Variants in ZFAND3 observed in about 807,000 individuals in gnomAD.
ZFAND3 encodes zinc finger AN1-type containing 3.
Under a neutral mutation model 29.6 loss-of-function variants are expected in ZFAND3, and 10 were observed. The observed-to-expected ratio is 0.34, with a 90% CI of 0.21 to 0.57. The LOEUF (loss-of-function observed/expected upper bound fraction) is 0.57. Ranked by LOEUF, ZFAND3 falls within the 20% of genes least tolerant of loss-of-function variation. The probability of loss-of-function intolerance (pLI) is 0.86; values close to 1 mark genes in which losing one functional copy is unlikely to be tolerated. For missense variants in ZFAND3, 230 were observed against 304.5 expected (o/e 0.76, Z 1.82); for synonymous variants, 128 against 112.6 (o/e 1.14, Z -0.87).
chr6:38,038,133 A>G (rs1763693926), intron 2 of ZFAND3, among the ~76,000 whole-genome samples: 1 of 152,132 alleles, frequency 6.6e-6, no homozygotes, highest in South Asian at 2.1e-4. Flanking sequence ...TTCAAGGATT[A>G]ATCAGCTGGC....
At chr6:38,042,063 C>G (rs1228058450) in intron 2 of ZFAND3, among the ~76,000 whole-genome samples, 3 of 150,722 alleles carry the variant, frequency 2.0e-5, no homozygotes, top group Non-Finnish European at 4.4e-5. Context: ...GTCTTGAACT[C>G]CTGGCTGCAG....
intron 1 of ZFAND3, among the ~76,000 whole-genome samples, chr6:37,867,342 C>T (rs1043534863): frequency 2.0e-5 from 3 of 152,202 alleles, no homozygotes; most frequent in Non-Finnish European, 4.4e-5. Context: ...CAGACAGAAA[C>T]TCAGAAGTGG....
At chr6:37,838,496 C>T (rs1223735821) in intron 1 of ZFAND3, among the ~76,000 whole-genome samples, 1 of 152,196 alleles carries the variant, frequency 6.6e-6, no homozygotes, top group African/African-American at 2.4e-5. Context: ...CACTTCTCCC[C>T]TCAGCTCCTG....
intron 2 of ZFAND3, among the ~76,000 whole-genome samples, chr6:38,037,934 G>C (rs1016052229): frequency 6.6e-5 from 10 of 152,196 alleles, no homozygotes; most frequent in Non-Finnish European, 1.0e-4. Flanking sequence ...CTTGCAGTGA[G>C]TGACTTTTCC....
intron 2 of ZFAND3, among the ~76,000 whole-genome samples, chr6:37,940,538 T>C (rs900126367): frequency 3.9e-5 from 6 of 152,200 alleles, no homozygotes; most frequent in African/African-American, 1.4e-4. Flanking sequence ...TTAACAGTCT[T>C]AACTATTTTT....
intron 5 of ZFAND3, among the ~76,000 whole-genome samples, chr6:38,120,401 C>G (rs935071361): frequency 3.6e-5 from 5 of 137,426 alleles, no homozygotes; most frequent in African/African-American, 1.3e-4. Context: ...TCTCAGCTCA[C>G]TGCAACCTCT....
chr6:38,020,036 G>A (rs1286884894), intron 2 of ZFAND3, among the ~76,000 whole-genome samples: 2 of 152,126 alleles, frequency 1.3e-5, no homozygotes, highest in Non-Finnish European at 2.9e-5. Flanking sequence ...CACTATTTTG[G>A]CCTTCTCATA....
At chr6:38,091,473 A>ATTTTTT (rs5875611) in intron 4 of ZFAND3, among the ~76,000 whole-genome samples, 1 of 73,686 alleles carries the variant, frequency 1.4e-5, no homozygotes, top group Admixed American at 1.9e-4. Context: ...AAACTTTAGG[A>ATTTTTT]TTTTTTTTTT....
At chr6:38,061,806 G>C (rs751612857) in intron 3 of ZFAND3, 31 bp downstream of exon 3, 3 of 1,610,748 alleles carry the variant, frequency 1.9e-6, no homozygotes, top group Non-Finnish European at 2.5e-6. Flanking sequence ...GGGTGGTAGA[G>C]AGAGCAGCTT....
At chr6:37,845,595 G>A (rs1334182780) in intron 1 of ZFAND3, among the ~76,000 whole-genome samples, 2 of 152,230 alleles carry the variant, frequency 1.3e-5, no homozygotes, top group Non-Finnish European at 2.9e-5. Context: ...ACTGTGAGCT[G>A]TGGTAACTTG....
At position 37,926,829 on chromosome 6, in the gene ZFAND3, G is replaced by A. The variant is rs114376973; in HGVS notation, c.72-3130G>A. ...ATGCAAGTTGATTACACTGCTTTTTGTTAGGTAGCGAGTAGTTGTATGCCT... is the reference window on the plus strand; with the variant it reads ...ATGCAAGTTGATTACACTGCTTTTTATTAGGTAGCGAGTAGTTGTATGCCT... On this transcript the variant is annotated intron_variant, in intron 1 of 5. Coordinates refer to ENST00000287218, the MANE Select transcript of ZFAND3 (RefSeq NM_021943.3). 2.0e-3 allele frequency among the ~76,000 whole-genome samples: 298 copies of A among 152,208 alleles called. 3 individuals are homozygous for A. Among genetic ancestry groups the A allele is most frequent in the African/African-American group, 6.9e-3 (286 of 41,510 alleles).
At chr6:38,108,027 G>A (rs1013539394) in intron 4 of ZFAND3, among the ~76,000 whole-genome samples, 1 of 152,076 alleles carries the variant, frequency 6.6e-6, no homozygotes, top group Non-Finnish European at 1.5e-5. Context: ...AGAGCCAAAT[G>A]TAACACATGA....
At chr6:37,890,627 T>C (rs988963013) in intron 1 of ZFAND3, among the ~76,000 whole-genome samples, 1 of 152,214 alleles carries the variant, frequency 6.6e-6, no homozygotes, top group Non-Finnish European at 1.5e-5. Context: ...AGTAAACATA[T>C]TAAAAGGTAC....
intron 1 of ZFAND3, among the ~76,000 whole-genome samples, chr6:37,822,727 A>T (rs1193766859): frequency 1.3e-5 from 2 of 152,196 alleles, no homozygotes; most frequent in African/African-American, 4.8e-5. Flanking sequence ...CTAGACCCAC[A>T]GGAAGGGTAG....
intron 2 of ZFAND3, among the ~76,000 whole-genome samples, chr6:38,058,874 AT>A (rs1372245749): frequency 1.3e-5 from 2 of 152,222 alleles, no homozygotes; most frequent in African/African-American, 4.8e-5. Flanking sequence ...CACATAAAAC[AT>A]TTAGTTCAGT....
At chr6:37,921,064 C>T (rs964662306) in intron 1 of ZFAND3, among the ~76,000 whole-genome samples, 15 of 152,232 alleles carry the variant, frequency 9.9e-5, no homozygotes, top group South Asian at 6.2e-4. Context: ...TTTTTCCCTT[C>T]CTTTCCTTTA....
chr6:38,141,813 A>G (rs1316562225), intron 5 of ZFAND3, among the ~76,000 whole-genome samples: 1 of 152,184 alleles, frequency 6.6e-6, no homozygotes, highest in African/African-American at 2.4e-5. Context: ...TCATAATGCC[A>G]AGCATGTCAG....
At chr6:37,960,303 C>T (rs1241483671) in intron 2 of ZFAND3, among the ~76,000 whole-genome samples, 1 of 152,214 alleles carries the variant, frequency 6.6e-6, no homozygotes, top group African/African-American at 2.4e-5. Context: ...TCATACTTAG[C>T]AAAATCATTT....
At chr6:37,873,396 C>T (rs1410428686) in intron 1 of ZFAND3, among the ~76,000 whole-genome samples, 2 of 152,204 alleles carry the variant, frequency 1.3e-5, no homozygotes, top group African/African-American at 4.8e-5. Flanking sequence ...TAAACACAGC[C>T]CTAATTCATA....
Sources: gnomAD v4.1 joint callset for allele counts (sites outside exome capture counted in the v4.1 genomes callset) on GRCh38, gnomAD v4.1.1 for gene constraint, MANE v1.5 for transcripts, NCBI Gene and HGNC (gene_info 2026-07-23, HGNC 2026-07-21) for gene names.